LANCL3: variants seen among roughly 807,000 people sequenced by gnomAD.
LANCL3 encodes the protein lanC-like protein 3.
In LANCL3, 19 loss-of-function variants were observed where a neutral mutation model predicts 26.5. The ratio of observed to expected loss-of-function variants is 0.72; its 90% CI spans 0.50 to 1.05. LANCL3 has a LOEUF of 1.05. Ranked by LOEUF, LANCL3 falls within the 50% of genes least tolerant of loss-of-function variation. LANCL3 has a pLI of 0.00. For missense variants in LANCL3, 318 were observed against 362.7 expected (o/e 0.88, Z 1.00); for synonymous variants, 160 against 166.6 (o/e 0.96, Z 0.30).
At chrX:37,670,626 A>G (rs1211596695) in intron 4 of LANCL3, among the ~76,000 whole-genome samples, 1 of 111,341 alleles carries the variant, frequency 9.0e-6, no homozygotes, top group African/African-American at 3.3e-5. Context: ...TTATATAAAT[A>G]TATGAGTTCC....
At chrX:37,653,181 A>G (rs1240084443) in intron 1 of LANCL3, among the ~76,000 whole-genome samples, 1 of 110,955 alleles carries the variant, frequency 9.0e-6, no homozygotes, top group African/African-American at 3.3e-5. Flanking sequence ...CTCATTCCCT[A>G]TTCTAAGCTG....
At chrX:37,613,078 G>C (rs957195172) in intron 1 of LANCL3, among the ~76,000 whole-genome samples, 7 of 110,920 alleles carry the variant, frequency 6.3e-5, no homozygotes, top group Non-Finnish European at 1.3e-4. Context: ...CTTGATGAGA[G>C]GTTGCCGTCT....
chrX:37,647,041 G>A lies in LANCL3; in HGVS notation c.574-8647G>A, dbSNP rs782411483. On this transcript the variant is annotated intron_variant, in intron 1 of 4. Coordinates refer to ENST00000378619, the MANE Select transcript of LANCL3 (RefSeq NM_001170331.2). Reference sequence around the variant, plus strand: ...ATTAAAAATACCCAGGAGGCTGGGTGTGGTGGCTCACACCTGTAATCCCAG... The same window carrying A: ...ATTAAAAATACCCAGGAGGCTGGGTATGGTGGCTCACACCTGTAATCCCAG... Among the ~76,000 whole-genome samples the A allele has an allele frequency of 6.2e-5, 7 of 112,398 alleles. No homozygotes were observed. The South Asian group carries it at 2.6e-3, about 42-fold the overall frequency.
intron 1 of LANCL3, among the ~76,000 whole-genome samples, chrX:37,642,288 C>T (rs1383120375): frequency 1.8e-5 from 2 of 111,951 alleles, no homozygotes; most frequent in African/African-American, 6.5e-5. Flanking sequence ...GTTAGATTGG[C>T]ACTTTATGGC....
intron 1 of LANCL3, among the ~76,000 whole-genome samples, chrX:37,593,773 T>C (rs1246749311): frequency 1.8e-5 from 2 of 112,443 alleles, no homozygotes; most frequent in Non-Finnish European, 3.8e-5. Flanking sequence ...GCTCAATGAT[T>C]AAACAGCGTT....
intron 1 of LANCL3, among the ~76,000 whole-genome samples, chrX:37,575,387 T>C (rs782222644): frequency 4.2e-4 from 47 of 111,945 alleles, no homozygotes; most frequent in African/African-American, 1.4e-3. Context: ...GTAGACATTT[T>C]TGGTTTCATT....
intron 1 of LANCL3, among the ~76,000 whole-genome samples, chrX:37,638,291 A>G (rs1001150028): frequency 1.8e-4 from 20 of 111,447 alleles, no homozygotes; most frequent in African/African-American, 6.5e-4. Context: ...GGGGACAGGC[A>G]AGGTTGTGCC....
chrX:37,652,339 C>T (rs782123633), intron 1 of LANCL3, among the ~76,000 whole-genome samples: 1 of 110,220 alleles, frequency 9.1e-6, no homozygotes, highest in African/African-American at 3.3e-5. Context: ...GGAGGTAGTT[C>T]AGTCATAGCA....
At position 37,681,708 on chromosome X, in the gene LANCL3, T is replaced by A. The variant is rs782757952; in HGVS notation, c.*5895T>A. On this transcript the variant is annotated 3_prime_UTR_variant, in exon 5 of 5. Transcript: ENST00000378619. ...GACGTTGTTTAGTTGTTGAGTTCTGTGTCTATAAGAATCCTAGAAATTGCC... is the reference window on the plus strand; with the variant it reads ...GACGTTGTTTAGTTGTTGAGTTCTGAGTCTATAAGAATCCTAGAAATTGCC... 1 of 112,368 alleles carries A rather than the reference T, an allele frequency of 8.9e-6. No homozygotes were observed. The highest frequency in any genetic ancestry group is 1.9e-5 in the Non-Finnish European group (1 of 53,255). 9.3% of individuals were successfully genotyped at this position (112,368 alleles called of 1,213,427 possible). A position where few individuals can be genotyped will look rare whatever the true frequency, so the allele number is the denominator to read the frequency against.
chrX:37,591,377 G>A (rs1212327338), intron 1 of LANCL3, among the ~76,000 whole-genome samples: 1 of 111,404 alleles, frequency 9.0e-6, no homozygotes, highest in East Asian at 2.8e-4. Context: ...GGTGTTAGTG[G>A]TGGTGTGGGT....
Position 37,579,324 on chromosome X carries a change from C to T in LANCL3, c.573+6881C>T, listed in dbSNP as rs1923835163. ...GCATATACATATACAGTAGTCCCAC[C>T]GTATCTGCCAGGGATATGTTCCAAG... On this transcript the variant is annotated intron_variant, in intron 1 of 4. Transcript: ENST00000378619. Among the ~76,000 whole-genome samples the T allele has an allele frequency of 3.6e-5, 4 of 111,353 alleles. No homozygotes were observed. In the Admixed American group the frequency reaches 3.8e-4, roughly 11 times the overall value.
At chrX:37,638,777 T>C (rs782285886) in intron 1 of LANCL3, among the ~76,000 whole-genome samples, 35 of 110,861 alleles carry the variant, frequency 3.2e-4, no homozygotes, top group Middle Eastern at 9.3e-3. Context: ...TTTATCCCAA[T>C]GAATATCATT....
Position 37,572,129 on chromosome X carries a change from A to G in LANCL3, c.259A>G (p.Thr87Ala). The change falls in exon 1 of 5, where the codon ACG becomes GCG. Residue 87 changes from threonine (T) to alanine (A), a missense_variant. By Grantham distance (58) the Thr-to-Ala change is moderately conservative. Transcript: ENST00000378619. The stretch of plus-strand genomic sequence containing the variant: ...CGTCTCGCAGAGCCCGCTTTTCGCC[A>G]CGGCCCGGGAACGCTACCTGCGCTC... ...YHVSQSPLFA[T>A]ARERYLRSAK... The G allele has an allele frequency of 8.4e-7, 1 of 1,194,701 alleles. No homozygotes were observed. The highest frequency in any genetic ancestry group is 3.0e-5 in the East Asian group (1 of 33,637).
At chrX:37,577,102 A>G (rs782491488) in intron 1 of LANCL3, among the ~76,000 whole-genome samples, 8 of 112,150 alleles carry the variant, frequency 7.1e-5, no homozygotes, top group Non-Finnish European at 1.1e-4. Context: ...TTACCTTTTA[A>G]AAAGATCGCC....
chrX:37,602,282 T>G (rs1207352402), intron 1 of LANCL3, among the ~76,000 whole-genome samples: 5 of 112,309 alleles, frequency 4.5e-5, no homozygotes, highest in African/African-American at 9.7e-5. Flanking sequence ...AAGTCATAAT[T>G]ATGGCAGCTC....
At chrX:37,666,938 C>T (rs1436525175) in intron 3 of LANCL3, among the ~76,000 whole-genome samples, 1 of 112,133 alleles carries the variant, frequency 8.9e-6, no homozygotes, top group Non-Finnish European at 1.9e-5. Context: ...AATATTAACC[C>T]ATTTGTAAAT....
At chrX:37,590,553 G>A (rs782435160) in intron 1 of LANCL3, among the ~76,000 whole-genome samples, 41 of 111,993 alleles carry the variant, frequency 3.7e-4, no homozygotes, top group South Asian at 1.1e-3. Context: ...TTCATTCCTA[G>A]CTCCTATTTA....
intron 2 of LANCL3, among the ~76,000 whole-genome samples, chrX:37,658,784 A>G (rs1470328616): frequency 8.9e-6 from 1 of 112,250 alleles, no homozygotes; most frequent in African/African-American, 3.2e-5. Context: ...GTTTATCTGT[A>G]TAACCAGGGT....
At chrX:37,630,917 T>C (rs1556424103) in intron 1 of LANCL3, among the ~76,000 whole-genome samples, 1 of 111,426 alleles carries the variant, frequency 9.0e-6, no homozygotes, top group Non-Finnish European at 1.9e-5. Context: ...ATTCTCTTTT[T>C]TGGTTGTGTC....
Sources: gnomAD v4.1 joint callset for allele counts (sites outside exome capture counted in the v4.1 genomes callset) on GRCh38, gnomAD v4.1.1 for gene constraint, MANE v1.5 for transcripts, NCBI Gene and HGNC (gene_info 2026-07-23, HGNC 2026-07-21) for gene names.